EXOC4: variants seen among roughly 807,000 people sequenced by gnomAD.
EXOC4 encodes the protein exocyst complex component 4, also known as SEC8-like 1.
EXOC4 carries 71 observed loss-of-function variants against 107.2 expected under a neutral mutation model. The observed-to-expected ratio is 0.66, with a 90% confidence interval of 0.55 to 0.81. The LOEUF (loss-of-function observed/expected upper bound fraction) is 0.81. Among genes scored for constraint, EXOC4 ranks in the 30% least tolerant of loss-of-function variants. The probability of loss-of-function intolerance (pLI) is 0.00; values close to 1 mark genes in which losing one functional copy is unlikely to be tolerated. For missense variants in EXOC4, 1,108 were observed against 1,189.6 expected, an observed-to-expected ratio of 0.93 and a Z score of 1.01; for synonymous variants, 456 against 441.2, an observed-to-expected ratio of 1.03 and a Z score of -0.42.
intron 9 of EXOC4, among the ~76,000 whole-genome samples, chr7:133,547,701 C>T (rs542766510): frequency 2.0e-5 from 3 of 152,302 alleles, no homozygotes; most frequent in Admixed American, 2.0e-4. Flanking sequence ...CTTTGCTTGA[C>T]TATAAAAACT....
intron 3 of EXOC4, among the ~76,000 whole-genome samples, chr7:133,297,373 T>A (rs1794542417): frequency 6.6e-6 from 1 of 152,208 alleles, no homozygotes; most frequent in South Asian, 2.1e-4. Context: ...GGTCCTGATA[T>A]GACCTACTGC....
At chr7:133,640,621 C>A (rs1410804559) in intron 10 of EXOC4, among the ~76,000 whole-genome samples, 1 of 152,114 alleles carries the variant, frequency 6.6e-6, no homozygotes, top group African/African-American at 2.4e-5. Flanking sequence ...GCCAGCATAG[C>A]TGGAAGCCAC....
intron 10 of EXOC4, among the ~76,000 whole-genome samples, chr7:133,764,669 A>G (rs1407398577): frequency 6.6e-6 from 1 of 152,096 alleles, no homozygotes; most frequent in Admixed American, 6.6e-5. Context: ...TTTTTAGGTA[A>G]TATTTGAAAT....
At position 133,764,850 on chromosome 7, in the gene EXOC4, G is replaced by A. The variant is rs76738115; in HGVS notation, c.1515-52475G>A. Among the ~76,000 whole-genome samples, 551 of 152,148 alleles carry A rather than the reference G, an allele frequency of 3.6e-3. 5 individuals carry two copies. Among genetic ancestry groups the A allele is most frequent in the African/African-American group, 0.012 (513 of 41,534 alleles). On this transcript the variant is annotated intron_variant, in intron 10 of 17. Coordinates refer to ENST00000253861, the MANE Select transcript of EXOC4 (RefSeq NM_021807.4). ...AGATCTTTGTTCTCTTTGACATCTGGAAGGTGGTGGGAAGGAGCAAATTCA... is the reference window on the plus strand; with the variant it reads ...AGATCTTTGTTCTCTTTGACATCTGAAAGGTGGTGGGAAGGAGCAAATTCA...
chr7:133,638,252 A>G (rs1475751093), intron 10 of EXOC4, among the ~76,000 whole-genome samples: 1 of 152,196 alleles, frequency 6.6e-6, no homozygotes, highest in African/African-American at 2.4e-5. Flanking sequence ...GAAATAGGAA[A>G]GCTTTTCTTG....
chr7:133,584,636 T>C (rs1009444381), intron 9 of EXOC4, among the ~76,000 whole-genome samples: 1 of 134,556 alleles, frequency 7.4e-6, no homozygotes, highest in Non-Finnish European at 1.5e-5. Flanking sequence ...TGGAGTGCAG[T>C]GGTGTGATCT....
intron 12 of EXOC4, among the ~76,000 whole-genome samples, chr7:133,914,467 G>C (rs1362021705): frequency 6.6e-6 from 1 of 152,060 alleles, no homozygotes; most frequent in Non-Finnish European, 1.5e-5. Flanking sequence ...GTTCATTCAT[G>C]AATGGAACCA....
chr7:133,412,454 C>G (rs1204952871), intron 7 of EXOC4, among the ~76,000 whole-genome samples: 1 of 151,536 alleles, frequency 6.6e-6, no homozygotes, highest in Non-Finnish European at 1.5e-5. Flanking sequence ...ATTTTTTTCA[C>G]TTTCAGGTAT....
chr7:133,862,229 C>T (rs1316875738), intron 11 of EXOC4, among the ~76,000 whole-genome samples: 7 of 151,264 alleles, frequency 4.6e-5, no homozygotes, highest in African/African-American at 7.3e-5. Context: ...TGGTGGTTCA[C>T]GCCTGTAATT....
At chr7:134,076,960 G>A in the EXOC4 span, among the ~76,000 whole-genome samples, 32,738 of 150,698 alleles carry the variant, frequency 0.22, 5,412 homozygotes, top group African/African-American at 0.47. Context: ...ATCTGCATAT[G>A]TGTGTGTGTG....
intron 10 of EXOC4, among the ~76,000 whole-genome samples, chr7:133,694,083 G>A (rs1794479298): frequency 1.3e-5 from 2 of 152,132 alleles, no homozygotes; most frequent in South Asian, 2.1e-4. Context: ...GGCCAACATG[G>A]TGAAACCCTG....
At chr7:133,707,654 C>T (rs920514774) in intron 10 of EXOC4, among the ~76,000 whole-genome samples, 1 of 151,974 alleles carries the variant, frequency 6.6e-6, no homozygotes, top group Non-Finnish European at 1.5e-5. Flanking sequence ...CTCACTCCAT[C>T]GCCCAGGTTG....
intron 14 of EXOC4, among the ~76,000 whole-genome samples, chr7:133,980,321 A>G (rs1353060172): frequency 1.3e-5 from 2 of 152,242 alleles, no homozygotes; most frequent in Non-Finnish European, 2.9e-5. Context: ...TCACTCTTCC[A>G]GGATCCTCAC....
intron 10 of EXOC4, among the ~76,000 whole-genome samples, chr7:133,745,102 C>G (rs957256089): frequency 1.3e-5 from 2 of 152,080 alleles, no homozygotes; most frequent in Non-Finnish European, 2.9e-5. Context: ...TTTAATCATT[C>G]CCAGGAAAGG....
chr7:133,905,570 G>T (rs1223837614), intron 12 of EXOC4, among the ~76,000 whole-genome samples: 1 of 152,258 alleles, frequency 6.6e-6, no homozygotes, highest in East Asian at 1.9e-4. Context: ...ATAATTTAAA[G>T]ATTGGAAATC....
rs146661546 is a variant in EXOC4 at position 133,524,968 on chromosome 7, T to G, written c.1417+44830T>G. On this transcript the variant is annotated intron_variant, in intron 9 of 17. Coordinates refer to ENST00000253861, the MANE Select transcript of EXOC4 (RefSeq NM_021807.4). ...TTATTATAAAGACTCTAGGTTGTGATTGTTTTAATATCCAGTTTGTCTTTC... is the reference window on the plus strand; with the variant it reads ...TTATTATAAAGACTCTAGGTTGTGAGTGTTTTAATATCCAGTTTGTCTTTC... 1.7e-3 allele frequency among the ~76,000 whole-genome samples: 262 copies of G among 152,322 alleles called. 2 individuals carry two copies. The highest frequency in any genetic ancestry group is 6.0e-3 in the African/African-American group (250 of 41,576).
Position 133,915,300 on chromosome 7 carries a change from G to A in EXOC4, c.1872-2283G>A, listed in dbSNP as rs183128918. Among the ~76,000 whole-genome samples, 49 of 152,172 alleles carry A rather than the reference G, an allele frequency of 3.2e-4. No homozygotes were observed. In the East Asian group the frequency reaches 8.1e-3, roughly 25 times the overall value. ...ATAACAGAGGATTAGGGAATATATA[G>A]TGGAAAGAGTAAAAATACAGGAAAA... On this transcript the variant is annotated intron_variant, in intron 12 of 17. Transcript: ENST00000253861.
chr7:133,750,543 G>A (rs73152913), intron 10 of EXOC4, among the ~76,000 whole-genome samples: 13,850 of 151,604 alleles, frequency 0.091, 720 homozygotes, highest in African/African-American at 0.13. Context: ...GCTAGAGAAC[G>A]TGAGTAACTG....
intron 11 of EXOC4, among the ~76,000 whole-genome samples, chr7:133,818,533 G>A (rs911578696): frequency 6.6e-6 from 1 of 152,124 alleles, no homozygotes; most frequent in Admixed American, 6.5e-5. Context: ...TTTTTTATGA[G>A]CAAGCTCTTT....
Sources: gnomAD v4.1 joint callset for allele counts (sites outside exome capture counted in the v4.1 genomes callset) on GRCh38, gnomAD v4.1.1 for gene constraint, MANE v1.5 for transcripts, NCBI Gene and HGNC (gene_info 2026-07-23, HGNC 2026-07-21) for gene names.